Variants in CDH4 observed in about 807,000 individuals in gnomAD.
The protein encoded by CDH4 is cadherin 4, also known as cadherin-4.
Under a neutral mutation model 86.0 loss-of-function variants are expected in CDH4, and 33 were observed. The observed-to-expected ratio is 0.38, with a 90% CI of 0.29 to 0.51. CDH4 has a LOEUF of 0.51. CDH4 is among the 20% of genes least tolerant of loss of function. The probability of loss-of-function intolerance (pLI) is 0.86; values close to 1 mark genes in which losing one functional copy is unlikely to be tolerated. For missense variants in CDH4, 1,114 were observed against 1,307.4 expected (o/e 0.85, Z 2.28); for synonymous variants, 555 against 549.4 (o/e 1.01, Z -0.14).
At chr20:61,576,613 G>A (rs975716673) in intron 2 of CDH4, among the ~76,000 whole-genome samples, 1 of 152,184 alleles carries the variant, frequency 6.6e-6, no homozygotes, top group African/African-American at 2.4e-5. Flanking sequence ...ACGTGAGGCA[G>A]ACATCACTTA....
chr20:61,929,887 T>C, intron 13 of CDH4, 45 bp downstream of exon 13: 1 of 1,480,644 alleles, frequency 6.8e-7, no homozygotes, highest in South Asian at 1.1e-5. Flanking sequence ...ATTGTGGGTA[T>C]GAGTGCCCTG....
chr20:61,310,177 G>A (rs2084437902), intron 2 of CDH4, among the ~76,000 whole-genome samples: 2 of 152,190 alleles, frequency 1.3e-5, no homozygotes, highest in South Asian at 4.1e-4. Flanking sequence ...GGTAGGCTGA[G>A]TGTCTTCAGC....
intron 2 of CDH4, among the ~76,000 whole-genome samples, chr20:61,257,913 C>T (rs2084107837): frequency 1.3e-5 from 2 of 152,114 alleles, no homozygotes; most frequent in East Asian, 1.9e-4. Flanking sequence ...GCTCCCGGGT[C>T]GTATCTCCCC....
At chr20:61,729,259 G>A (rs929557052) in intron 2 of CDH4, among the ~76,000 whole-genome samples, 5 of 152,134 alleles carry the variant, frequency 3.3e-5, no homozygotes, top group African/African-American at 4.8e-5. Flanking sequence ...TAGCGACATC[G>A]CCCACATCAA....
chr20:61,934,245 G>C (rs760401886), intron 15 of CDH4, 25 bp downstream of exon 15: 1 of 1,511,006 alleles, frequency 6.6e-7, no homozygotes, highest in East Asian at 2.4e-5. Context: ...GCAGTGGGGG[G>C]CCCGGGCAAG....
At chr20:61,444,371 ATG>A (rs1332788887) in intron 2 of CDH4, among the ~76,000 whole-genome samples, 1 of 36,174 alleles carries the variant, frequency 2.8e-5, no homozygotes, top group Admixed American at 3.1e-4. Context: ...GTGTTTCTGC[ATG>A]TGTGTGTCTA....
At chr20:61,576,021 G>A (rs936488461) in intron 2 of CDH4, among the ~76,000 whole-genome samples, 1 of 152,148 alleles carries the variant, frequency 6.6e-6, no homozygotes, top group African/African-American at 2.4e-5. Flanking sequence ...CTGAGTAGGA[G>A]GAAAAGGGAG....
intron 4 of CDH4, among the ~76,000 whole-genome samples, chr20:61,840,387 A>T (rs762118680): frequency 1.3e-5 from 2 of 152,210 alleles, no homozygotes; most frequent in Non-Finnish European, 2.9e-5. Flanking sequence ...ACTTTTCTCC[A>T]GTTTCAAGTT....
At chr20:61,441,913 C>T (rs1354876721) in intron 2 of CDH4, among the ~76,000 whole-genome samples, 2 of 152,150 alleles carry the variant, frequency 1.3e-5, no homozygotes, top group African/African-American at 4.8e-5. Context: ...AGGTTCTCTC[C>T]AACCCTTCTT....
At chr20:61,648,232 A>G (rs966773115) in intron 2 of CDH4, among the ~76,000 whole-genome samples, 3 of 152,234 alleles carry the variant, frequency 2.0e-5, no homozygotes, top group African/African-American at 7.2e-5. Context: ...TTCTGATGGA[A>G]TGTGGGAATA....
chr20:61,275,556 T>TG (rs149154139), intron 2 of CDH4, among the ~76,000 whole-genome samples: 3 of 117,486 alleles, frequency 2.6e-5, no homozygotes, highest in African/African-American at 6.9e-5. Context: ...CTGCGCAGTT[T>TG]GGGGGAGTAC....
At chr20:61,691,647 G>GGT (rs1478318462) in intron 2 of CDH4, among the ~76,000 whole-genome samples, 3 of 152,230 alleles carry the variant, frequency 2.0e-5, no homozygotes, top group Admixed American at 6.5e-5. Flanking sequence ...TCGGCTTCAT[G>GGT]GTAGAGCCTG....
chr20:61,578,778 T>C (rs188730466), intron 2 of CDH4, among the ~76,000 whole-genome samples: 235 of 152,290 alleles, frequency 1.5e-3, no homozygotes, highest in Admixed American at 2.8e-3. Flanking sequence ...ATTGCTTCTC[T>C]CATCCGGTCC....
chr20:61,339,513 G>C (rs530397112), intron 2 of CDH4, among the ~76,000 whole-genome samples: 1 of 152,298 alleles, frequency 6.6e-6, no homozygotes, highest in Non-Finnish European at 1.5e-5. Context: ...ATATTTCATA[G>C]TTAAATAAAC....
At chr20:61,511,734 G>A (rs1190872627) in intron 2 of CDH4, among the ~76,000 whole-genome samples, 1 of 152,180 alleles carries the variant, frequency 6.6e-6, no homozygotes, top group Non-Finnish European at 1.5e-5. Context: ...AGAGAGCTTG[G>A]AGCCTCTTAA....
chr20:61,274,441 T>TATTTGTGCAGTTTGGGGGAAG (rs2084213170), intron 2 of CDH4, among the ~76,000 whole-genome samples: 1 of 106,722 alleles, frequency 9.4e-6, no homozygotes, highest in Non-Finnish European at 1.8e-5. Flanking sequence ...TTTGGGGGAG[T>TATTTGTGCAGTTTGGGGGAAG]ACTTTGTGCA....
At chr20:61,361,277 G>A (rs1343963842) in intron 2 of CDH4, among the ~76,000 whole-genome samples, 3 of 151,914 alleles carry the variant, frequency 2.0e-5, no homozygotes, top group Non-Finnish European at 2.9e-5. Flanking sequence ...CAAGAGACTT[G>A]CACGCATGGA....
chr20:61,772,391 A>G (rs962358123), intron 3 of CDH4, among the ~76,000 whole-genome samples: 1 of 152,210 alleles, frequency 6.6e-6, no homozygotes, highest in East Asian at 1.9e-4. Context: ...TATTACTTAG[A>G]TATGCATTAT....
At chr20:61,310,521 T>A (rs2123221762) in intron 2 of CDH4, among the ~76,000 whole-genome samples, 1 of 152,274 alleles carries the variant, frequency 6.6e-6, no homozygotes, top group African/African-American at 2.4e-5. Flanking sequence ...TGCACTCCTG[T>A]GAGGATCTAA....
Sources: allele counts gnomAD v4.1 joint callset (sites outside exome capture counted in the v4.1 genomes callset), GRCh38; gene constraint gnomAD v4.1.1; transcripts MANE v1.5; gene names NCBI Gene and HGNC (gene_info 2026-07-23, HGNC 2026-07-21).